CAPN8: variants seen among roughly 807,000 people sequenced by gnomAD.
The protein encoded by CAPN8 is calpain 8, also known as calpain-8.
CAPN8 carries 87 observed loss-of-function variants against 80.9 expected under a neutral mutation model. That is an observed-to-expected ratio of 1.07 (90% CI 0.90 to 1.28). The LOEUF (loss-of-function observed/expected upper bound fraction) is 1.28. Ranked by LOEUF, CAPN8 falls within the 50% of genes most tolerant of loss-of-function variation. The probability of loss-of-function intolerance (pLI) is 0.00; values close to 1 mark genes in which losing one functional copy is unlikely to be tolerated. For missense variants in CAPN8, 757 were observed against 702.0 expected, an observed-to-expected ratio of 1.08 and a Z score of -0.89; for synonymous variants, 299 against 273.8, an observed-to-expected ratio of 1.09 and a Z score of -0.91.
At chr1:223,626,775 C>A (rs529287780) in intron 5 of CAPN8, among the ~76,000 whole-genome samples, 3 of 152,184 alleles carry the variant, frequency 2.0e-5, no homozygotes, top group Admixed American at 6.5e-5. Flanking sequence ...GGGGCTCCTG[C>A]AATGCAACTA....
chr1:223,545,278 C>G lies in CAPN8; in HGVS notation c.1786G>C (p.Gly596Arg), dbSNP rs1457473082. ...CAGAGCGTCTTGAATTCCACCGCCC[C>G]CAAAGTGCCCGTTCCATTGCTCTAG... ...LLDSNGTGTL[G>R]AVEFKTLWLK... The change falls in exon 17 of 21, where the codon GGG becomes CGG. Residue 596 changes from glycine (G) to arginine (R), a missense_variant. Coordinates refer to ENST00000366872, the MANE Select transcript of CAPN8 (RefSeq NM_001143962.2). 7 of 1,551,634 alleles carry G rather than the reference C, an allele frequency of 4.5e-6. No homozygotes were observed. Among genetic ancestry groups the G allele is most frequent in the South Asian group, 1.2e-5 (1 of 84,052 alleles).
At chr1:223,631,458 A>C (rs1200314134) in intron 2 of CAPN8, among the ~76,000 whole-genome samples, 1 of 151,970 alleles carries the variant, frequency 6.6e-6, no homozygotes, top group Non-Finnish European at 1.5e-5. Flanking sequence ...AGCAAGTTCT[A>C]AGGCCACTTG....
intron 2 of CAPN8, among the ~76,000 whole-genome samples, chr1:223,639,097 G>C (rs1398378549): frequency 1.3e-5 from 2 of 152,044 alleles, no homozygotes; most frequent in African/African-American, 4.8e-5. Flanking sequence ...AAAATTAGCT[G>C]GACGTGGTGG....
intron 1 of CAPN8, among the ~76,000 whole-genome samples, chr1:223,657,233 T>C (rs1658519580): frequency 6.6e-6 from 1 of 152,114 alleles, no homozygotes; most frequent in Non-Finnish European, 1.5e-5. Context: ...GTTCTAAAAG[T>C]GTGCAGCTGC....
chr1:223,552,689 G>A (rs1407965518), intron 14 of CAPN8, among the ~76,000 whole-genome samples: 1 of 151,872 alleles, frequency 6.6e-6, no homozygotes, highest in Non-Finnish European at 1.5e-5. Flanking sequence ...TGACCCCGTC[G>A]TTCATGAGGC....
intron 2 of CAPN8, among the ~76,000 whole-genome samples, chr1:223,637,251 G>C (rs547936545): frequency 5.9e-5 from 9 of 152,266 alleles, no homozygotes; most frequent in African/African-American, 2.2e-4. Context: ...ACAGCAGCTT[G>C]ACTGGGTCTC....
intron 1 of CAPN8, among the ~76,000 whole-genome samples, chr1:223,663,927 G>A (rs1427713556): frequency 2.6e-5 from 4 of 152,220 alleles, no homozygotes; most frequent in Non-Finnish European, 5.9e-5. Flanking sequence ...CAAGAAAATA[G>A]GAACCCTGAC....
intron 16 of CAPN8, among the ~76,000 whole-genome samples, chr1:223,546,990 C>T (rs765686991): frequency 1.3e-5 from 2 of 152,064 alleles, no homozygotes; most frequent in Admixed American, 6.5e-5. Flanking sequence ...CTTCACTCAC[C>T]GCAACCTCTA....
intron 5 of CAPN8, among the ~76,000 whole-genome samples, chr1:223,626,373 C>A (rs1440535752): frequency 2.0e-5 from 3 of 152,124 alleles, no homozygotes; most frequent in African/African-American, 7.2e-5. Context: ...AAGGGAGGAT[C>A]TTCTCACTTT....
chr1:223,558,930 C>CGTGTGTGGTGTGTGGTGT, intron 12 of CAPN8, among the ~76,000 whole-genome samples: 7 of 72 alleles, frequency 0.097, no homozygotes, highest in Admixed American at 0.5. Flanking sequence ...ACATGATGTT[C>CGTGTGTGGTGTGTGGTGT]ATGTGNNNNN....
rs1203257685 is a variant in CAPN8 at position 223,609,231 on chromosome 1, AC to A, written c.1456del (p.Val486TrpfsTer16). On this transcript the variant is annotated frameshift_variant, in exon 12 of 21. Transcript: ENST00000366872. LOFTEE classifies it high-confidence loss of function. ...RARLPPGEYLVVPSTFEPFKD... is the reference protein window; with the variant it reads ...RARLPPGEYLXVPSTFEPFKD... Reference sequence around the variant, plus strand: ...GAAGGGTTCAAATGTGGATGGCACCACCAGGTACTCCCCAGGGGGCAGCCGG... The same window carrying A: ...GAAGGGTTCAAATGTGGATGGCACCACAGGTACTCCCCAGGGGGCAGCCGG... 5.0e-6 allele frequency: 2 copies of A among 398,498 alleles called. No homozygotes were observed. Among genetic ancestry groups the A allele is most frequent in the East Asian group, 7.1e-5 (2 of 28,034 alleles). The allele number at this position is 398,498 out of a possible 1,614,324, so 24.7% of individuals were successfully genotyped here.
intron 10 of CAPN8, chr1:223,615,726 C>T (rs2102700816): frequency 1.6e-6 from 1 of 626,954 alleles, no homozygotes; most frequent in Admixed American, 2.1e-5. Flanking sequence ...CCCTCAATGA[C>T]AGGCAAAGGT....
Position 223,609,340 on chromosome 1 carries a change from A to T in CAPN8, c.1348T>A (p.Leu450Met), listed in dbSNP as rs1656976822. 2.5e-6 allele frequency: 1 copy of T among 398,436 alleles called. No individual in the cohort carries two copies. The highest frequency in any genetic ancestry group is 2.1e-5 in the African/African-American group (1 of 48,616). The allele number at this position is 398,436 out of a possible 1,614,324, so 24.7% of individuals were successfully genotyped here. A position where few individuals can be genotyped will look rare whatever the true frequency, so the allele number is the denominator to read the frequency against. The change falls in exon 12 of 21, where the codon TTG becomes ATG. Residue 450 changes from leucine (L) to methionine (M), a missense_variant. Transcript: ENST00000366872. ...TAGGCCAGGAAGAAATCCCGGCCCA[A>T]GTGTGCGTCCGTGTGACTCTCCAGC... The part of the protein sequence containing the change: ...KELESHTDAH[L>M]GRDFFLAYQP...
chr1:223,638,636 C>T (rs981377024), intron 2 of CAPN8, among the ~76,000 whole-genome samples: 6 of 152,076 alleles, frequency 3.9e-5, no homozygotes, highest in East Asian at 1.9e-4. Context: ...TCAGTGCCTC[C>T]GGGAATCGTA....
intron 18 of CAPN8, 172 bp from the exon 19 acceptor site, chr1:223,544,355 T>A: frequency 1.7e-6 from 1 of 602,460 alleles, no homozygotes; most frequent in South Asian, 2.0e-5. Flanking sequence ...CTGCCATCCA[T>A]CCCTCTCCTT....
intron 13 of CAPN8, among the ~76,000 whole-genome samples, chr1:223,557,304 C>T (rs1226022343): frequency 6.4e-4 from 3 of 4,670 alleles, no homozygotes; most frequent in East Asian, 5.8e-3. Flanking sequence ...GTGTCTGCCC[C>T]CACCTCCATT....
Position 223,622,861 on chromosome 1 carries a change from T to C in CAPN8, c.853A>G (p.Arg285Gly). The change falls in exon 7 of 21, where the codon AGG (arginine) becomes GGG (glycine). Residue 285 changes from arginine to glycine, a missense_variant. Arg to Gly is a moderately radical substitution (Grantham distance 125, BLOSUM62 -2). Transcript: ENST00000366872. ...QGHPEKLIRLRNPWGEVEWSG... is the reference protein window; with the variant it reads ...QGHPEKLIRLGNPWGEVEWSG... ...CACTCCACTTCACCCCATGGATTCC[T>C]GAGTCTGATCAGCTTCTCTGGATGG... 1 of 1,551,764 alleles carries C rather than the reference T, an allele frequency of 6.4e-7. No individual in the cohort carries two copies. Among genetic ancestry groups the C allele is most frequent in the Non-Finnish European group, 8.7e-7 (1 of 1,146,990 alleles).
At chr1:223,618,036 C>A (rs549113758) in intron 9 of CAPN8, 47 of 573,612 alleles carry the variant, frequency 8.2e-5, no homozygotes, top group Admixed American at 3.9e-4. Flanking sequence ...TGCTGCTTCC[C>A]TAGCACCGAG....
At chr1:223,656,392 G>A (rs112542182) in intron 1 of CAPN8, among the ~76,000 whole-genome samples, 207 of 152,038 alleles carry the variant, frequency 1.4e-3, no homozygotes, top group African/African-American at 4.4e-3. Flanking sequence ...CCCAGGAGGC[G>A]GAGGTTGCAG....
Sources: gnomAD v4.1 joint callset for allele counts (sites outside exome capture counted in the v4.1 genomes callset) on GRCh38, gnomAD v4.1.1 for gene constraint, MANE v1.5 for transcripts, NCBI Gene and HGNC (gene_info 2026-07-23, HGNC 2026-07-21) for gene names.